The following LRP1B variants were observed in gnomAD, a reference collection of about 807,000 sequenced individuals.
LRP1B encodes LDL receptor related protein 1B.
A neutral mutation model predicts 556.6 loss-of-function variants in LRP1B; 217 were observed. That is an observed-to-expected ratio of 0.39 (90% CI 0.35 to 0.44). LRP1B has a LOEUF of 0.44. Ranked by LOEUF, LRP1B falls within the 20% of genes least tolerant of loss-of-function variation. The probability of loss-of-function intolerance (pLI) is 1.00; values close to 1 mark genes in which losing one functional copy is unlikely to be tolerated. For synonymous variants in LRP1B, 2,047 were observed against 1,865.8 expected (o/e 1.10, Z -2.50); for missense variants, 5,053 against 5,620.8 (o/e 0.90, Z 3.23).
At chr2:140,280,030 T>C (rs1316576224) in intron 84 of LRP1B, among the ~76,000 whole-genome samples, 2 of 151,920 alleles carry the variant, frequency 1.3e-5, no homozygotes, top group Non-Finnish European at 2.9e-5. Context: ...AGCCTTCGGA[T>C]TTATTTTTTA....
At chr2:141,169,794 C>G (rs1433840080) in intron 7 of LRP1B, among the ~76,000 whole-genome samples, 1 of 135,476 alleles carries the variant, frequency 7.4e-6, no homozygotes, top group African/African-American at 2.9e-5. Flanking sequence ...CCTCCCACAC[C>G]TTAACCAAAA....
rs148886116 is a variant in LRP1B, at chr2:141,547,070, T to C, written c.206-66537A>G. ...TTGTCTAAGCTGGAATTTCCAGTAT[T>C]GTCGTAGGTAAACATTCATGGTTGT... On this transcript the variant is annotated intron_variant, in intron 2 of 90. Coordinates refer to ENST00000389484, the MANE Select transcript of LRP1B (RefSeq NM_018557.3). Among the ~76,000 whole-genome samples, 290 of 152,284 alleles carry C rather than the reference T, an allele frequency of 1.9e-3. 2 individuals carry two copies. The highest frequency in any genetic ancestry group is 2.8e-3 in the Non-Finnish European group (188 of 68,006).
At chr2:142,055,716 T>C (rs959199005) in intron 1 of LRP1B, among the ~76,000 whole-genome samples, 11 of 152,288 alleles carry the variant, frequency 7.2e-5, no homozygotes, top group Non-Finnish European at 1.5e-4. Flanking sequence ...CACATGTCCT[T>C]GAAGCACTGA....
intron 32 of LRP1B, among the ~76,000 whole-genome samples, chr2:140,780,486 A>C (rs1326627399): frequency 6.6e-6 from 1 of 152,164 alleles, no homozygotes; most frequent in African/African-American, 2.4e-5. Context: ...TGAGGCTAAG[A>C]CTATAACACT....
chr2:140,487,800 TA>T, intron 57 of LRP1B, 61 bp from the exon 58 acceptor site: 1 of 1,210,294 alleles, frequency 8.3e-7, no homozygotes, highest in South Asian at 1.4e-5. Context: ...TAAAATGTTT[TA>T]GGAGTTTACA....
chr2:141,047,208 A>G (rs1191995180), intron 11 of LRP1B, among the ~76,000 whole-genome samples: 2 of 152,082 alleles, frequency 1.3e-5, no homozygotes, highest in African/African-American at 2.4e-5. Flanking sequence ...ATTAAGAGAA[A>G]AGTAGGCAGA....
intron 7 of LRP1B, among the ~76,000 whole-genome samples, chr2:141,122,221 C>T (rs1360463271): frequency 6.6e-6 from 1 of 152,012 alleles, no homozygotes; most frequent in Non-Finnish European, 1.5e-5. Flanking sequence ...ACACAAAAAG[C>T]AATGGCAACA....
chr2:140,396,118 A>G (rs1684241334), intron 66 of LRP1B, among the ~76,000 whole-genome samples: 1 of 152,178 alleles, frequency 6.6e-6, no homozygotes, highest in South Asian at 2.1e-4. Flanking sequence ...GCATAACAGA[A>G]ATCTCGATAA....
intron 2 of LRP1B, among the ~76,000 whole-genome samples, chr2:141,544,349 C>CTTCTTCTTCTTCTTCTTCTT (rs1685444726): frequency 2.3e-5 from 2 of 85,876 alleles, no homozygotes; most frequent in African/African-American, 8.2e-5. Context: ...TCTTCTTCTT[C>CTTCTTCTTCTTCTTCTTCTT]TTCTTCTTCT....
At chr2:140,786,542 T>C (rs959297578) in intron 32 of LRP1B, among the ~76,000 whole-genome samples, 1 of 152,206 alleles carries the variant, frequency 6.6e-6, no homozygotes, top group Non-Finnish European at 1.5e-5. Flanking sequence ...TGAAGCTCTC[T>C]GGAAAAATCT....
At chr2:140,279,229 T>C (rs1042145459) in intron 84 of LRP1B, among the ~76,000 whole-genome samples, 5 of 152,014 alleles carry the variant, frequency 3.3e-5, no homozygotes, top group Non-Finnish European at 7.4e-5. Flanking sequence ...GATGCAATCA[T>C]TGGATACTTG....
At position 140,334,575 on chromosome 2, in the gene LRP1B, C is replaced by A. The variant is rs2105083656; in HGVS notation, c.12117-16G>T. On this transcript the variant is annotated splice_polypyrimidine_tract_variant and intron_variant, in intron 78 of 90. Coordinates refer to ENST00000389484, the MANE Select transcript of LRP1B (RefSeq NM_018557.3). ...GTACATCATCCTGAAGAGAGCGGGT[C>A]AGAGAGGTTAGCCTGGTGATGGTGC... 2 of 1,462,502 alleles carry A rather than the reference C, an allele frequency of 1.4e-6. No homozygotes were observed. Among genetic ancestry groups the A allele is most frequent in the South Asian group, 2.6e-5 (2 of 77,004 alleles). The allele number at this position is 1,462,502 out of a possible 1,614,324, so 90.6% of individuals were successfully genotyped here. A position where few individuals can be genotyped will look rare whatever the true frequency, so the allele number is the denominator to read the frequency against.
chr2:140,352,364 C>T (rs1157126561), intron 76 of LRP1B, among the ~76,000 whole-genome samples: 3 of 151,818 alleles, frequency 2.0e-5, no homozygotes, highest in African/African-American at 4.8e-5. Context: ...TTAGTAGAGA[C>T]GGGGTTTCAC....
intron 3 of LRP1B, among the ~76,000 whole-genome samples, chr2:141,425,984 AAG>A (rs1304336907): frequency 6.6e-6 from 1 of 150,702 alleles, no homozygotes; most frequent in Non-Finnish European, 1.5e-5. Flanking sequence ...TTTAGACATG[AAG>A]TCCTTGCCCA....
At chr2:142,039,695 T>C (rs1263892195) in intron 1 of LRP1B, among the ~76,000 whole-genome samples, 2 of 151,660 alleles carry the variant, frequency 1.3e-5, no homozygotes, top group Middle Eastern at 3.4e-3. Flanking sequence ...GAAGCAACAA[T>C]ATAAACACGT....
At chr2:141,952,980 T>C (rs12691628) in intron 1 of LRP1B, among the ~76,000 whole-genome samples, 56,619 of 151,936 alleles carry the variant, frequency 0.37, 11,512 homozygotes, top group Admixed American at 0.5. Context: ...ATTTAAATGA[T>C]ATAAACTCAT....
intron 2 of LRP1B, among the ~76,000 whole-genome samples, chr2:141,522,697 G>C (rs1257727211): frequency 6.6e-6 from 1 of 152,124 alleles, no homozygotes; most frequent in Non-Finnish European, 1.5e-5. Flanking sequence ...GTCACCATGA[G>C]GCCATGTGTG....
intron 85 of LRP1B, 115 bp downstream of exon 85, chr2:140,274,309 A>G: frequency 1.1e-6 from 1 of 898,164 alleles, no homozygotes; most frequent in Non-Finnish European, 1.7e-6. Flanking sequence ...TGCAATGGGC[A>G]CAATACGGAA....
intron 7 of LRP1B, among the ~76,000 whole-genome samples, chr2:141,070,442 G>T (rs972483868): frequency 4.6e-5 from 7 of 151,914 alleles, no homozygotes; most frequent in African/African-American, 1.7e-4. Context: ...ACTATTAAAA[G>T]AACTAGAAAA....
Sources: allele counts gnomAD v4.1 joint callset (sites outside exome capture counted in the v4.1 genomes callset), GRCh38; gene constraint gnomAD v4.1.1; transcripts MANE v1.5; gene names NCBI Gene and HGNC (gene_info 2026-07-23, HGNC 2026-07-21).